The following CNTN4 variants were observed in gnomAD, a reference collection of about 807,000 sequenced individuals.
CNTN4 encodes contactin-4.
A neutral mutation model predicts 122.5 loss-of-function variants in CNTN4; 77 were observed. The ratio of observed to expected loss-of-function variants is 0.63; its 90% CI spans 0.52 to 0.76. The LOEUF is 0.76. Among genes scored for constraint, CNTN4 ranks in the 30% least tolerant of loss-of-function variants. The probability of loss-of-function intolerance (pLI) is 0.00; values close to 1 mark genes in which losing one functional copy is unlikely to be tolerated. For missense variants in CNTN4, 1,256 were observed against 1,259.1 expected, an observed-to-expected ratio of 1.00 and a Z score of 0.04; for synonymous variants, 512 against 447.0, an observed-to-expected ratio of 1.15 and a Z score of -1.83.
In CNTN4 at chr3:2,355,524, C is replaced by T. The variant is rs559626456; in HGVS notation, c.-89+16291C>T. On this transcript the variant is annotated intron_variant, in intron 3 of 24. Coordinates refer to ENST00000418658, the MANE Select transcript of CNTN4 (RefSeq NM_175607.3). ...TTGTTCAGGTCAGGAGCAAAGGTTA[C>T]CTTTCTGTATTTCTGGGACCTATTT... Among the ~76,000 whole-genome samples, 124 of 152,278 alleles carry T rather than the reference C, an allele frequency of 8.1e-4. 1 individual carries two copies. The highest frequency in any genetic ancestry group is 2.9e-3 in the African/African-American group (121 of 41,562).
chr3:2,538,903 T>C (rs557236621), intron 3 of CNTN4, among the ~76,000 whole-genome samples: 3 of 151,912 alleles, frequency 2.0e-5, no homozygotes, highest in Non-Finnish European at 4.4e-5. Context: ...TAATATATTA[T>C]AAATATATTT....
chr3:2,497,482 C>T (rs1465623596), intron 3 of CNTN4, among the ~76,000 whole-genome samples: 1 of 152,140 alleles, frequency 6.6e-6, no homozygotes, highest in Non-Finnish European at 1.5e-5. Flanking sequence ...GTATAATGAA[C>T]CATTTAATGT....
intron 3 of CNTN4, among the ~76,000 whole-genome samples, chr3:2,467,813 C>A (rs573445880): frequency 2.6e-5 from 4 of 152,248 alleles, no homozygotes; most frequent in African/African-American, 9.6e-5. Context: ...GTGTCCTGGT[C>A]CCTCCTGAGT....
At chr3:2,837,920 C>T (rs920184985) in intron 7 of CNTN4, among the ~76,000 whole-genome samples, 1 of 152,056 alleles carries the variant, frequency 6.6e-6, no homozygotes, top group East Asian at 1.9e-4. Context: ...TCCCATGTAC[C>T]CAGCAGCAAT....
At chr3:2,838,526 T>C (rs7642309) in intron 7 of CNTN4, among the ~76,000 whole-genome samples, 95,970 of 147,414 alleles carry the variant, frequency 0.65, 31,253 homozygotes, top group East Asian at 0.87. Context: ...GCCAGACTTA[T>C]AGAATATATT....
At chr3:2,394,326 T>TG (rs1202551474) in intron 3 of CNTN4, among the ~76,000 whole-genome samples, 26 of 152,248 alleles carry the variant, frequency 1.7e-4, no homozygotes, top group Admixed American at 9.8e-4. Flanking sequence ...GGTGAGAAGA[T>TG]GGAATTTCAT....
At chr3:2,857,953 G>A (rs993849532) in intron 7 of CNTN4, among the ~76,000 whole-genome samples, 5 of 152,134 alleles carry the variant, frequency 3.3e-5, no homozygotes, top group East Asian at 1.9e-4. Context: ...GCAACTAAGG[G>A]TCAGTTCCAT....
At chr3:2,692,767 T>A (rs909095362) in intron 4 of CNTN4, among the ~76,000 whole-genome samples, 2 of 152,148 alleles carry the variant, frequency 1.3e-5, no homozygotes, top group Admixed American at 1.3e-4. Flanking sequence ...GATCTCTGTG[T>A]TTCATTGTAT....
chr3:2,369,071 C>G (rs986093301), intron 3 of CNTN4, among the ~76,000 whole-genome samples: 2 of 152,074 alleles, frequency 1.3e-5, no homozygotes, highest in African/African-American at 4.8e-5. Context: ...TTACAGGCAC[C>G]TGCCACCATG....
intron 7 of CNTN4, among the ~76,000 whole-genome samples, chr3:2,838,578 A>T (rs2093283143): frequency 6.6e-6 from 1 of 152,004 alleles, no homozygotes; most frequent in Non-Finnish European, 1.5e-5. Flanking sequence ...AAAAAAAAAA[A>T]AAAATTAAGC....
chr3:2,377,390 G>A (rs532945612), intron 3 of CNTN4, among the ~76,000 whole-genome samples: 43 of 152,262 alleles, frequency 2.8e-4, no homozygotes, highest in Admixed American at 2.1e-3. Flanking sequence ...GCAATCCTCA[G>A]TCATTTTCTC....
intron 2 of CNTN4, among the ~76,000 whole-genome samples, chr3:2,274,468 CTA>C (rs2041423414): frequency 6.6e-6 from 1 of 152,012 alleles, no homozygotes; most frequent in Non-Finnish European, 1.5e-5. Flanking sequence ...GTTTTAGGAT[CTA>C]TGTTTGTTTT....
chr3:2,415,436 A>G (rs980602747), intron 3 of CNTN4, among the ~76,000 whole-genome samples: 1 of 152,194 alleles, frequency 6.6e-6, no homozygotes, highest in Non-Finnish European at 1.5e-5. Context: ...AATAGTGCAG[A>G]GTTTCACTTG....
intron 3 of CNTN4, among the ~76,000 whole-genome samples, chr3:2,570,267 G>A (rs759321576): frequency 6.6e-6 from 1 of 151,818 alleles, no homozygotes; most frequent in African/African-American, 2.4e-5. Flanking sequence ...TCGAACTCCT[G>A]GGTTGAAGCA....
rs1416922117 is a variant in CNTN4, at chr3:2,206,695, A to G, written c.-145+106056A>G. Among the ~76,000 whole-genome samples the G allele has an allele frequency of 2.9e-4, 44 of 152,084 alleles. 1 individual carries two copies. The highest frequency in any genetic ancestry group is 2.9e-3 in the Admixed American group (44 of 15,250). On this transcript the variant is annotated intron_variant, in intron 2 of 24. Transcript: ENST00000418658. ...AAATATTCAGACCTATCAACTGGTA[A>G]TATTAGAATAGTGATAATAAGCATA... is the stretch of plus-strand genomic sequence containing the variant.
chr3:2,168,162 A>AAT (rs1248731744), intron 2 of CNTN4, among the ~76,000 whole-genome samples: 9 of 152,198 alleles, frequency 5.9e-5, no homozygotes, highest in Non-Finnish European at 1.5e-5. Flanking sequence ...TATACTCTAC[A>AAT]AATGTAGACT....
intron 4 of CNTN4, among the ~76,000 whole-genome samples, chr3:2,699,192 C>A (rs573410495): frequency 6.6e-6 from 1 of 152,260 alleles, no homozygotes; most frequent in South Asian, 2.1e-4. Flanking sequence ...GGTATAACTT[C>A]AGATTAATGA....
chr3:2,116,362 G>C (rs1272951597), intron 2 of CNTN4, among the ~76,000 whole-genome samples: 1 of 152,098 alleles, frequency 6.6e-6, no homozygotes, highest in Non-Finnish European at 1.5e-5. Context: ...GAGGGGAGAC[G>C]TGTTTATGGG....
At chr3:2,222,956 C>A (rs1559355599) in intron 2 of CNTN4, among the ~76,000 whole-genome samples, 1 of 152,196 alleles carries the variant, frequency 6.6e-6, no homozygotes, top group East Asian at 1.9e-4. Context: ...AAGAATCTGA[C>A]AGAAGCCCAC....
Sources: gnomAD v4.1 joint callset for allele counts (sites outside exome capture counted in the v4.1 genomes callset) on GRCh38, gnomAD v4.1.1 for gene constraint, MANE v1.5 for transcripts, NCBI Gene and HGNC (gene_info 2026-07-23, HGNC 2026-07-21) for gene names.